Variants in STK33 observed in about 807,000 individuals in gnomAD.
STK33 encodes the protein serine/threonine-protein kinase 33.
STK33 carries 52 observed loss-of-function variants against 58.0 expected under a neutral mutation model. That is an observed-to-expected ratio of 0.90 (90% CI 0.72 to 1.13). The LOEUF is 1.13. Ranked by LOEUF, STK33 falls within the 50% of genes most tolerant of loss-of-function variation. The probability of loss-of-function intolerance (pLI) is 0.00; values close to 1 mark genes in which losing one functional copy is unlikely to be tolerated. For missense variants in STK33, 630 were observed against 604.2 expected (o/e 1.04, Z -0.45); for synonymous variants, 215 against 200.1 (o/e 1.07, Z -0.63).
chr11:8,451,366 G>A (rs1946253732), intron 11 of STK33, among the ~76,000 whole-genome samples: 1 of 152,142 alleles, frequency 6.6e-6, no homozygotes, highest in African/African-American at 2.4e-5. Context: ...TAAACAAAAT[G>A]TGGTATATCC....
chr11:8,522,958 G>T (rs1293550324), intron 1 of STK33, among the ~76,000 whole-genome samples: 1 of 152,202 alleles, frequency 6.6e-6, no homozygotes, highest in East Asian at 1.9e-4. Context: ...CGCCTGACTG[G>T]TTTTCGTATT....
chr11:8,439,867 A>G (rs533933495), intron 12 of STK33, among the ~76,000 whole-genome samples: 1 of 123,404 alleles, frequency 8.1e-6, no homozygotes, highest in African/African-American at 3.3e-5. Flanking sequence ...ATTATATTAT[A>G]ATTATATATA....
At chr11:8,458,263 G>A (rs1947113901) in intron 8 of STK33, among the ~76,000 whole-genome samples, 1 of 152,128 alleles carries the variant, frequency 6.6e-6, no homozygotes, top group Admixed American at 6.5e-5. Context: ...ACTCAGTGCT[G>A]TTGCTGTAGC....
intron 6 of STK33, among the ~76,000 whole-genome samples, chr11:8,471,528 G>A (rs1948780508): frequency 6.6e-6 from 1 of 152,104 alleles, no homozygotes; most frequent in African/African-American, 2.4e-5. Context: ...GGATATCTGT[G>A]AAAATGTTCA....
At chr11:8,381,464 G>T in the STK33 span, among the ~76,000 whole-genome samples, 1 of 152,268 alleles carries the variant, frequency 6.6e-6, no homozygotes, top group South Asian at 2.1e-4. Flanking sequence ...CAGCTGCTGG[G>T]GCTGTGAGTG....
At chr11:8,347,113 C>T in the STK33 span, among the ~76,000 whole-genome samples, 1 of 152,174 alleles carries the variant, frequency 6.6e-6, no homozygotes, top group East Asian at 1.9e-4. Flanking sequence ...CTCAGTCTTT[C>T]AAAATTCAAA....
At chr11:8,497,032 T>A (rs1951113260) in intron 1 of STK33, among the ~76,000 whole-genome samples, 1 of 152,188 alleles carries the variant, frequency 6.6e-6, no homozygotes, top group Admixed American at 6.5e-5. Flanking sequence ...TTTTTGTATA[T>A]TATTGATACT....
chr11:8,564,015 T>C (rs1041764157), intron 1 of STK33, among the ~76,000 whole-genome samples: 4 of 152,298 alleles, frequency 2.6e-5, no homozygotes, highest in East Asian at 1.9e-4. Context: ...TCATAAGGTA[T>C]GTTAAAGATC....
At chr11:8,581,091 T>A (rs1382632624) in intron 1 of STK33, 1 of 152,188 alleles carries the variant, frequency 6.6e-6, no homozygotes, top group East Asian at 1.9e-4. Context: ...TCTTCATTCA[T>A]CCCTCCCTCT....
the STK33 span, among the ~76,000 whole-genome samples, chr11:8,371,741 C>G: frequency 8.1e-6 from 1 of 123,560 alleles, no homozygotes; most frequent in African/African-American, 2.7e-5. Flanking sequence ...CTCTCCCTCC[C>G]TCCCTCTCTC....
intron 1 of STK33, among the ~76,000 whole-genome samples, chr11:8,492,117 G>A (rs915110061): frequency 7.9e-5 from 12 of 152,214 alleles, no homozygotes; most frequent in Admixed American, 2.0e-4. Context: ...ATGTAAATGG[G>A]CTAAATGCCC....
rs200387229 is a variant in STK33, at chr11:8,436,013, G to A, written c.1060+14C>T. On this transcript the variant is annotated intron_variant, in intron 13 of 15. Coordinates refer to ENST00000687296, the MANE Select transcript of STK33 (RefSeq NM_001352389.2). ...TATATTAGCTTTAGTAAATAATAAC[G>A]CATCTATACTTACCACAGTCACTTA... 341 of 1,404,370 alleles carry A rather than the reference G, an allele frequency of 2.4e-4. 4 individuals carry two copies. In the East Asian group the frequency reaches 5.3e-3, roughly 22 times the overall value. 87.0% of individuals were successfully genotyped at this position (1,404,370 alleles called of 1,614,324 possible). A position where few individuals can be genotyped will look rare whatever the true frequency, so the allele number is the denominator to read the frequency against.
intron 6 of STK33, among the ~76,000 whole-genome samples, chr11:8,471,322 T>C (rs1948754657): frequency 6.6e-6 from 1 of 152,218 alleles, no homozygotes; most frequent in South Asian, 2.1e-4. Flanking sequence ...TTCAACTAAC[T>C]GCTTTGATAT....
chr11:8,365,842 C>T, the STK33 span, among the ~76,000 whole-genome samples: 8 of 152,202 alleles, frequency 5.3e-5, no homozygotes, highest in African/African-American at 1.9e-4. Context: ...CATGCGCCCA[C>T]CTTCCACCCC....
chr11:8,466,928 G>C (rs1948255941), intron 6 of STK33: 1 of 152,302 alleles, frequency 6.6e-6, no homozygotes, highest in Non-Finnish European at 1.5e-5. Context: ...CAAGGCTTGA[G>C]GCTTGCACCC....
At chr11:8,342,848 A>G in the STK33 span, among the ~76,000 whole-genome samples, 1 of 152,224 alleles carries the variant, frequency 6.6e-6, no homozygotes, top group African/African-American at 2.4e-5. Flanking sequence ...TCCTTGTGCC[A>G]GACCAAAGAG....
chr11:8,432,279 A>G (rs1322254540), intron 14 of STK33, among the ~76,000 whole-genome samples: 1 of 152,182 alleles, frequency 6.6e-6, no homozygotes, highest in African/African-American at 2.4e-5. Context: ...TCTTGGTGTT[A>G]TTTGTCACCA....
chr11:8,475,472 T>C (rs1949181685), intron 4 of STK33: 1 of 152,202 alleles, frequency 6.6e-6, no homozygotes, highest in South Asian at 2.1e-4. Flanking sequence ...GTGTTAAACA[T>C]ACATTACTAT....
chr11:8,419,320 A>G (rs2135818038), intron 14 of STK33, among the ~76,000 whole-genome samples: 1 of 152,236 alleles, frequency 6.6e-6, no homozygotes, highest in Middle Eastern at 3.4e-3. Flanking sequence ...TTATCCCAGC[A>G]CCATTTATCG....
Sources: allele counts gnomAD v4.1 joint callset (sites outside exome capture counted in the v4.1 genomes callset), GRCh38; gene constraint gnomAD v4.1.1; transcripts MANE v1.5; gene names NCBI Gene and HGNC (gene_info 2026-07-23, HGNC 2026-07-21).